The following PLXDC2 variants were observed in gnomAD, a reference collection of about 807,000 sequenced individuals.
The protein encoded by PLXDC2 is plexin domain-containing protein 2.
A neutral mutation model predicts 68.9 loss-of-function variants in PLXDC2; 40 were observed. That is an observed-to-expected ratio of 0.58 (90% confidence interval 0.45 to 0.76). The LOEUF (loss-of-function observed/expected upper bound fraction) is 0.76, where lower values mean the gene tolerates loss of function less well. Among genes scored for constraint, PLXDC2 ranks in the 30% least tolerant of loss-of-function variants. The probability of loss-of-function intolerance (pLI) is 0.00; values close to 1 mark genes in which losing one functional copy is unlikely to be tolerated. For synonymous variants in PLXDC2, 243 were observed against 234.2 expected (o/e 1.04, Z -0.34); for missense variants, 644 against 661.9 (o/e 0.97, Z 0.30).
intron 6 of PLXDC2, among the ~76,000 whole-genome samples, chr10:20,157,654 T>C (rs1207854249): frequency 1.3e-5 from 2 of 152,180 alleles, no homozygotes; most frequent in African/African-American, 2.4e-5. Flanking sequence ...CAAAGGCCAG[T>C]GTGCTCTGCT....
chr10:20,158,743 GTC>G (rs1429720089), intron 6 of PLXDC2, among the ~76,000 whole-genome samples: 23 of 151,700 alleles, frequency 1.5e-4, no homozygotes, highest in African/African-American at 5.1e-4. Context: ...TAATAATATA[GTC>G]TCTAATTTTA....
At chr10:19,985,310 T>C (rs1209418553) in intron 1 of PLXDC2, among the ~76,000 whole-genome samples, 1 of 152,218 alleles carries the variant, frequency 6.6e-6, no homozygotes, top group African/African-American at 2.4e-5. Context: ...TGTTGAAATA[T>C]TAAACAGAGG....
chr10:20,251,920 T>G (rs1835680573), intron 13 of PLXDC2, among the ~76,000 whole-genome samples: 1 of 151,210 alleles, frequency 6.6e-6, no homozygotes, highest in Non-Finnish European at 1.5e-5. Context: ...GGAAAATAGA[T>G]TCTATGAGTA....
At chr10:20,263,720 G>T (rs1012004351) in intron 13 of PLXDC2, among the ~76,000 whole-genome samples, 8 of 152,052 alleles carry the variant, frequency 5.3e-5, no homozygotes, top group Non-Finnish European at 1.0e-4. Context: ...ATAGAAAAAA[G>T]CTGCGTATCA....
intron 4 of PLXDC2, among the ~76,000 whole-genome samples, chr10:20,121,529 C>T (rs1286957874): frequency 6.6e-5 from 10 of 152,264 alleles, no homozygotes; most frequent in African/African-American, 2.4e-4. Flanking sequence ...TCTGTGAAGC[C>T]TTGCGGCAGT....
In PLXDC2 at chr10:20,257,202, G is replaced by A. The variant is rs115527826; in HGVS notation, c.1473+11697G>A. Reference sequence around the variant, plus strand: ...GAGTGATGAGCTCTTCATTACCAGGGTACTTAAGTACACAAGAAGGCCCCA... The same window carrying A: ...GAGTGATGAGCTCTTCATTACCAGGATACTTAAGTACACAAGAAGGCCCCA... On this transcript the variant is annotated intron_variant, in intron 13 of 13. Coordinates refer to ENST00000377252, the MANE Select transcript of PLXDC2 (RefSeq NM_032812.9). 4.6e-3 allele frequency among the ~76,000 whole-genome samples: 701 copies of A among 152,224 alleles called. 8 individuals carry two copies. The highest frequency in any genetic ancestry group is 0.014 in the African/African-American group (573 of 41,534).
At position 19,820,077 on chromosome 10, in the gene PLXDC2, T is replaced by C. The variant is rs75481056; in HGVS notation, c.112+2886T>C. Among the ~76,000 whole-genome samples, 497 of 152,280 alleles carry C rather than the reference T, an allele frequency of 3.3e-3. 8 individuals are homozygous for C. The East Asian group carries it at 0.053, about 16-fold the overall frequency. On this transcript the variant is annotated intron_variant, in intron 1 of 13. Coordinates refer to ENST00000377252, the MANE Select transcript of PLXDC2 (RefSeq NM_032812.9). ...CAGATACAAGTTTTGGAGCTTGAGG[T>C]TGGGTAAGTTTGGACTGAGACATAA...
At chr10:20,018,516 G>A (rs868522539) in intron 2 of PLXDC2, among the ~76,000 whole-genome samples, 8 of 152,242 alleles carry the variant, frequency 5.3e-5, no homozygotes, top group Middle Eastern at 3.4e-3. Flanking sequence ...CCAAGATCAT[G>A]TTCATATTTC....
chr10:20,234,761 G>A (rs1230096705), intron 12 of PLXDC2, among the ~76,000 whole-genome samples: 1 of 149,618 alleles, frequency 6.7e-6, no homozygotes, highest in Non-Finnish European at 1.5e-5. Flanking sequence ...TTCCTGGAGA[G>A]CTATAATGCG....
intron 12 of PLXDC2, among the ~76,000 whole-genome samples, chr10:20,234,114 A>C (rs1835400679): frequency 6.6e-6 from 1 of 152,020 alleles, no homozygotes; most frequent in Admixed American, 6.6e-5. Flanking sequence ...GATGTGAGCC[A>C]CCGTGCCCGG....
chr10:19,999,477 A>AT (rs138752041), intron 1 of PLXDC2, among the ~76,000 whole-genome samples: 16,391 of 150,512 alleles, frequency 0.11, 1,063 homozygotes, highest in Admixed American at 0.17. Context: ...TTTAAATACC[A>AT]TTTTTTTTAT....
chr10:20,136,781 C>T (rs955448047), intron 4 of PLXDC2, among the ~76,000 whole-genome samples: 2 of 152,206 alleles, frequency 1.3e-5, no homozygotes, highest in African/African-American at 4.8e-5. Context: ...CCAACCTTTC[C>T]TTTTGGGTCC....
intron 6 of PLXDC2, among the ~76,000 whole-genome samples, chr10:20,158,636 C>A (rs1335308213): frequency 1.3e-5 from 2 of 151,702 alleles, no homozygotes; most frequent in South Asian, 2.1e-4. Flanking sequence ...GCACTCCAGC[C>A]TGGGCAACAG....
Position 20,211,651 on chromosome 10 carries a change from T to C in PLXDC2, c.1062-18T>C, listed in dbSNP as rs752873880. The stretch of plus-strand genomic sequence containing the variant: ...CCTATCCTTCCTTTTCTGAACTGCA[T>C]TGTGGTCTTCTTTGAAGATGTTCCA... On this transcript the variant is annotated intron_variant, in intron 9 of 13. Coordinates refer to ENST00000377252, the MANE Select transcript of PLXDC2 (RefSeq NM_032812.9). The C allele has an allele frequency of 1.4e-5, 22 of 1,612,234 alleles. No individual in the cohort carries two copies. The highest frequency in any genetic ancestry group is 2.2e-5 in the South Asian group (2 of 91,004).
At chr10:19,996,001 A>T (rs1834837991) in intron 1 of PLXDC2, among the ~76,000 whole-genome samples, 1 of 152,226 alleles carries the variant, frequency 6.6e-6, no homozygotes, top group Non-Finnish European at 1.5e-5. Flanking sequence ...AGAGATAGGA[A>T]AGTGGAACAA....
chr10:20,038,319 T>C (rs576776245), intron 2 of PLXDC2, among the ~76,000 whole-genome samples: 1 of 152,148 alleles, frequency 6.6e-6, no homozygotes, highest in Non-Finnish European at 1.5e-5. Context: ...GCTAGAGGGA[T>C]AGACCATGCT....
chr10:20,136,787 G>T (rs1833939022), intron 4 of PLXDC2, among the ~76,000 whole-genome samples: 1 of 152,140 alleles, frequency 6.6e-6, no homozygotes, highest in Middle Eastern at 3.4e-3. Flanking sequence ...TTTCCTTTTG[G>T]GTCCAAAATA....
chr10:20,143,976 A>G (rs1221503995), intron 5 of PLXDC2, among the ~76,000 whole-genome samples: 5 of 147,754 alleles, frequency 3.4e-5, no homozygotes, highest in Non-Finnish European at 7.5e-5. Context: ...TATCCCTGCT[A>G]TTACTTTTTG....
At chr10:20,264,937 C>T (rs2681928) in intron 13 of PLXDC2, among the ~76,000 whole-genome samples, 69,916 of 151,824 alleles carry the variant, frequency 0.46, 17,655 homozygotes, top group Middle Eastern at 0.62. Flanking sequence ...CCCAAAACAA[C>T]GAGCATTAAG....
Sources: gnomAD v4.1 joint callset for allele counts (sites outside exome capture counted in the v4.1 genomes callset) on GRCh38, gnomAD v4.1.1 for gene constraint, MANE v1.5 for transcripts, NCBI Gene and HGNC (gene_info 2026-07-23, HGNC 2026-07-21) for gene names.